ANKRD30BL: variants seen among roughly 807,000 people sequenced by gnomAD.
The protein encoded by ANKRD30BL is ankyrin repeat domain 30B like, also known as putative ankyrin repeat domain-containing protein 30B-like.
In ANKRD30BL, 20 loss-of-function variants were observed where a neutral mutation model predicts 18.4. The observed-to-expected ratio is 1.09, with a 90% CI of 0.77 to 1.58. The LOEUF (loss-of-function observed/expected upper bound fraction) is 1.58. Ranked by LOEUF, ANKRD30BL falls within the 40% of genes most tolerant of loss-of-function variation. The pLI is 0.00. For missense variants in ANKRD30BL, 224 were observed against 268.6 expected, an observed-to-expected ratio of 0.83 and a Z score of 1.16; for synonymous variants, 72 against 100.9, an observed-to-expected ratio of 0.71 and a Z score of 1.72.
At chr2:132,194,430 C>T (rs1446461812) in intron 1 of ANKRD30BL, among the ~76,000 whole-genome samples, 1 of 152,340 alleles carries the variant, frequency 6.6e-6, no homozygotes, top group African/African-American at 2.4e-5. Context: ...AGCACTTCTA[C>T]ACTTGTGCAG....
chr2:132,253,746 G>A (rs1228552666), intron 1 of ANKRD30BL, among the ~76,000 whole-genome samples: 3 of 151,938 alleles, frequency 2.0e-5, no homozygotes, highest in African/African-American at 4.8e-5. Flanking sequence ...GACCCCTCAA[G>A]GGGTCCTTAA....
intron 1 of ANKRD30BL, among the ~76,000 whole-genome samples, chr2:132,199,039 G>C (rs1412350064): frequency 1.3e-5 from 2 of 152,144 alleles, no homozygotes; most frequent in Non-Finnish European, 2.9e-5. Flanking sequence ...TTATACCTGA[G>C]CATGGCAAAG....
chr2:132,157,821 C>G (rs1373050025), intron 1 of ANKRD30BL, among the ~76,000 whole-genome samples: 1 of 152,172 alleles, frequency 6.6e-6, no homozygotes, highest in Non-Finnish European at 1.5e-5. Context: ...ATTCCTAGCA[C>G]ATGTAACAGC....
intron 1 of ANKRD30BL, among the ~76,000 whole-genome samples, chr2:132,189,744 A>T (rs1423633861): frequency 6.6e-6 from 1 of 152,210 alleles, no homozygotes; most frequent in Non-Finnish European, 1.5e-5. Flanking sequence ...CAGCTTATGT[A>T]ATATTAAAAG....
chr2:132,184,255 G>A (rs1337613369), intron 1 of ANKRD30BL, among the ~76,000 whole-genome samples: 7 of 151,896 alleles, frequency 4.6e-5, no homozygotes, highest in South Asian at 2.1e-4. Context: ...TTGTGTCTGC[G>A]ATAATATTTT....
chr2:132,230,211 G>A (rs201055466), intron 1 of ANKRD30BL, among the ~76,000 whole-genome samples: 4 of 151,800 alleles, frequency 2.6e-5, no homozygotes, highest in Non-Finnish European at 4.4e-5. Context: ...TTGAATATAC[G>A]TTTTCATAGA....
intron 1 of ANKRD30BL, among the ~76,000 whole-genome samples, chr2:132,171,093 T>C (rs757691364): frequency 6.7e-5 from 10 of 148,810 alleles, no homozygotes; most frequent in African/African-American, 1.0e-4. Context: ...AGGCGGAGCC[T>C]GCAGTGAGCC....
At chr2:132,149,170 A>G (rs1687691783) in intron 5 of ANKRD30BL, among the ~76,000 whole-genome samples, 1 of 152,226 alleles carries the variant, frequency 6.6e-6, no homozygotes, top group East Asian at 1.9e-4. Context: ...TGTACAATGT[A>G]TTGTGTCACA....
intron 1 of ANKRD30BL, among the ~76,000 whole-genome samples, chr2:132,171,521 A>AG (rs1558918889): frequency 6.6e-6 from 1 of 152,228 alleles, no homozygotes; most frequent in Non-Finnish European, 1.5e-5. Context: ...CACAACTGAT[A>AG]GGAGTTCATC....
intron 1 of ANKRD30BL, among the ~76,000 whole-genome samples, chr2:132,222,832 TAAAAAAAAAAAAAAAAAAAAA>T (rs71001178): frequency 3.8e-5 from 2 of 52,808 alleles, no homozygotes; most frequent in East Asian, 1.1e-3. Context: ...GAATGATCAA[TAAAAAAAAAAAAAAAAAAAAA>T]AAAAAAAAAA....
intron 1 of ANKRD30BL, among the ~76,000 whole-genome samples, chr2:132,254,261 C>A (rs1680756992): frequency 6.6e-6 from 1 of 152,210 alleles, no homozygotes; most frequent in Non-Finnish European, 1.5e-5. Flanking sequence ...AAGGGCACGA[C>A]TCCGCCCATG....
At chr2:132,198,314 TTCTTTCTTTC>T (rs1230688568) in intron 1 of ANKRD30BL, among the ~76,000 whole-genome samples, 1,622 of 13,944 alleles carry the variant, frequency 0.12, 150 homozygotes, top group South Asian at 0.23. Flanking sequence ...CTTTCTTTCT[TTCTTTCTTTC>T]TTTTTTTTTT....
intron 1 of ANKRD30BL, among the ~76,000 whole-genome samples, chr2:132,222,113 C>A (rs868680591): frequency 8.1e-5 from 12 of 148,826 alleles, no homozygotes; most frequent in East Asian, 2.1e-4. Context: ...CCCGGCCAGC[C>A]GCCCTATCTG....
intron 1 of ANKRD30BL, among the ~76,000 whole-genome samples, chr2:132,209,329 G>A (rs1321603301): frequency 6.6e-6 from 1 of 151,348 alleles, no homozygotes; most frequent in African/African-American, 2.4e-5. Flanking sequence ...ACCTCTAGAG[G>A]AAAGGGAAAT....
Position 132,148,030 on chromosome 2 carries a change from C to G in ANKRD30BL, c.*101G>C. 1 of 854,328 alleles carries G rather than the reference C, an allele frequency of 1.2e-6. No individual in the cohort carries two copies. Among genetic ancestry groups the G allele is most frequent in the African/African-American group, 1.7e-5 (1 of 59,642 alleles). 52.9% of individuals were successfully genotyped at this position (854,328 alleles called of 1,614,324 possible). A position where few individuals can be genotyped will look rare whatever the true frequency, so the allele number is the denominator to read the frequency against. ...AGCTGAACATACTGACATATTTGTTCTTTGATGAGGAACTCAGAACTCATT... is the reference window on the plus strand; with the variant it reads ...AGCTGAACATACTGACATATTTGTTGTTTGATGAGGAACTCAGAACTCATT... On this transcript the variant is annotated 3_prime_UTR_variant, in exon 6 of 6. Coordinates refer to ENST00000409867, the MANE Select transcript of ANKRD30BL (RefSeq NM_001358416.1).
intron 4 of ANKRD30BL, among the ~76,000 whole-genome samples, chr2:132,154,423 A>C (rs1417491937): frequency 5.3e-5 from 8 of 152,236 alleles, no homozygotes; most frequent in Non-Finnish European, 1.2e-4. Context: ...GCAACCAAAA[A>C]CATCAGATTA....
chr2:132,231,966 C>A (rs1180031384), intron 1 of ANKRD30BL, among the ~76,000 whole-genome samples: 1 of 152,196 alleles, frequency 6.6e-6, no homozygotes, highest in African/African-American at 2.4e-5. Context: ...CAGTGGTTCT[C>A]CCAGCATGCA....
chr2:132,164,225 T>C (rs1472133980), upstream of ANKRD30BL, among the ~76,000 whole-genome samples: 2 of 152,070 alleles, frequency 1.3e-5, no homozygotes, highest in Non-Finnish European at 2.9e-5. Context: ...GCAGTTTCTC[T>C]TCCTTTCAGT....
At chr2:132,226,558 C>A (rs902679107) in intron 1 of ANKRD30BL, among the ~76,000 whole-genome samples, 2 of 151,902 alleles carry the variant, frequency 1.3e-5, no homozygotes, top group African/African-American at 4.8e-5. Flanking sequence ...ATGTGAGAAA[C>A]CTCTTTGTGA....
Sources: allele counts gnomAD v4.1 joint callset (sites outside exome capture counted in the v4.1 genomes callset), GRCh38; gene constraint gnomAD v4.1.1; transcripts MANE v1.5; gene names NCBI Gene and HGNC (gene_info 2026-07-23, HGNC 2026-07-21).